The following WDR72 variants were observed in gnomAD, a reference collection of about 807,000 sequenced individuals.
The protein encoded by WDR72 is WD repeat domain 72.
A neutral mutation model predicts 124.2 loss-of-function variants in WDR72; 120 were observed. The observed-to-expected ratio is 0.97, with a 90% CI of 0.83 to 1.12. The LOEUF is 1.12. WDR72 is among the 50% of genes most tolerant of loss of function. The pLI, the probability that WDR72 is intolerant of heterozygous loss-of-function variation, is 0.00. For missense variants in WDR72, 1,387 were observed against 1,278.8 expected, an observed-to-expected ratio of 1.08 and a Z score of -1.29; for synonymous variants, 452 against 441.7, an observed-to-expected ratio of 1.02 and a Z score of -0.29.
At chr15:53,549,134 C>T (rs542433781) in intron 18 of WDR72, among the ~76,000 whole-genome samples, 2 of 152,190 alleles carry the variant, frequency 1.3e-5, no homozygotes, top group East Asian at 3.9e-4. Context: ...TTTGGGGGAC[C>T]CAGTACGTCA....
intron 14 of WDR72, among the ~76,000 whole-genome samples, chr15:53,642,488 C>G (rs1414281366): frequency 6.6e-6 from 1 of 151,916 alleles, no homozygotes; most frequent in East Asian, 1.9e-4. Context: ...AGGGGCACAT[C>G]AACAGCATCA....
intron 1 of WDR72, among the ~76,000 whole-genome samples, chr15:53,754,907 T>C (rs2018861156): frequency 6.6e-6 from 1 of 152,226 alleles, no homozygotes; most frequent in Non-Finnish European, 1.5e-5. Context: ...AATGATTTTC[T>C]TCATCCACAA....
At chr15:53,674,132 A>G (rs998986452) in intron 13 of WDR72, among the ~76,000 whole-genome samples, 3 of 152,148 alleles carry the variant, frequency 2.0e-5, no homozygotes, top group African/African-American at 7.2e-5. Flanking sequence ...TCTTTTCCAT[A>G]TTGGGTAGGC....
At chr15:53,580,716 TA>T (rs1038916625) in intron 18 of WDR72, among the ~76,000 whole-genome samples, 4 of 150,460 alleles carry the variant, frequency 2.7e-5, no homozygotes, top group East Asian at 2.0e-4. Context: ...AGATAAGCCT[TA>T]AAAAAAAAGT....
intron 1 of WDR72, among the ~76,000 whole-genome samples, chr15:53,738,620 G>A (rs1415682119): frequency 3.3e-5 from 5 of 152,000 alleles, no homozygotes; most frequent in Non-Finnish European, 7.4e-5. Flanking sequence ...GTTTGAGATG[G>A]AGTCTCGTTC....
intron 2 of WDR72, among the ~76,000 whole-genome samples, chr15:53,726,177 AATAT>A (rs34029897): frequency 5.7e-5 from 8 of 140,284 alleles, no homozygotes; most frequent in South Asian, 2.2e-4. Context: ...AATTGGTTGT[AATAT>A]ATATATATAT....
At chr15:53,758,774 G>GGGGC in intron 1 of WDR72, among the ~76,000 whole-genome samples, 1 of 126,400 alleles carries the variant, frequency 7.9e-6, no homozygotes, top group Non-Finnish European at 1.8e-5. Flanking sequence ...ACTGCGGGGG[G>GGGGC]GGGGGGGGCG....
At chr15:53,534,715 C>T (rs2140240959) in intron 18 of WDR72, among the ~76,000 whole-genome samples, 1 of 152,180 alleles carries the variant, frequency 6.6e-6, no homozygotes, top group East Asian at 1.9e-4. Context: ...AATGGTGGTA[C>T]TCTCACGTAA....
chr15:53,608,766 A>AAATAAATAAATAAATG (rs2013400855), intron 17 of WDR72, among the ~76,000 whole-genome samples: 2 of 150,196 alleles, frequency 1.3e-5, no homozygotes, highest in South Asian at 4.2e-4. Context: ...AAAAATAAAT[A>AAATAAATAAATAAATG]AATAAATAAA....
chr15:53,650,373 T>C (rs1404298172), intron 14 of WDR72, among the ~76,000 whole-genome samples: 2 of 152,184 alleles, frequency 1.3e-5, no homozygotes, highest in Admixed American at 6.5e-5. Flanking sequence ...GAGTCAGCAA[T>C]AACGTACTAT....
intron 18 of WDR72, among the ~76,000 whole-genome samples, chr15:53,588,861 G>A (rs2012353214): frequency 6.6e-6 from 1 of 151,904 alleles, no homozygotes; most frequent in African/African-American, 2.4e-5. Flanking sequence ...AATCATTAGT[G>A]GAGGCTGACC....
At position 53,723,544 on chromosome 15, in the gene WDR72, A is replaced by G. The variant is rs1184824443; in HGVS notation, c.154-636T>C. Among the ~76,000 whole-genome samples, 3 of 152,174 alleles carry G rather than the reference A, an allele frequency of 2.0e-5. No homozygotes were observed. In the East Asian group the frequency reaches 5.8e-4, roughly 29 times the overall value. ...GCAGCCAAAATATGGAAACAATCTAAGTGTCCATTAACGGATGCAGAGATA... is the reference window on the plus strand; with the variant it reads ...GCAGCCAAAATATGGAAACAATCTAGGTGTCCATTAACGGATGCAGAGATA... On this transcript the variant is annotated intron_variant, in intron 2 of 19. Transcript: ENST00000360509.
intron 1 of WDR72, among the ~76,000 whole-genome samples, chr15:53,749,694 T>C (rs543805484): frequency 2.0e-5 from 3 of 152,262 alleles, no homozygotes; most frequent in East Asian, 3.9e-4. Flanking sequence ...ATTAGCTAAA[T>C]TGTGAATGCA....
intron 14 of WDR72, among the ~76,000 whole-genome samples, chr15:53,621,413 G>C (rs2013983881): frequency 7.7e-6 from 1 of 129,914 alleles, no homozygotes; most frequent in Non-Finnish European, 1.5e-5. Context: ...CCATCAATGA[G>C]TGGATAAAGA....
rs752911105 is a variant in WDR72 at position 53,733,001 on chromosome 15, A to G, written c.149T>C (p.Leu50Pro). ...QLCLWNLSHELKISAKELLFG... is the reference protein window; with the variant it reads ...QLCLWNLSHEPKISAKELLFG... Reference sequence around the variant, plus strand: ...ATATCAGTAGCTTTCACTAACCTTTAGTTCATGTGAGAGATTCCAGAGACA... The same window carrying G: ...ATATCAGTAGCTTTCACTAACCTTTGGTTCATGTGAGAGATTCCAGAGACA... Residue 50 changes from leucine (L) to proline (P), a missense_variant, in exon 2 of 20, where the codon CTA becomes CCA. Leu to Pro is a moderately conservative substitution (Grantham distance 98). Coordinates refer to ENST00000360509, the MANE Select transcript of WDR72 (RefSeq NM_182758.4). 2 of 1,613,894 alleles carry G rather than the reference A, an allele frequency of 1.2e-6. No individual in the cohort carries two copies. The highest frequency in any genetic ancestry group is 1.7e-6 in the Non-Finnish European group (2 of 1,179,944).
intron 13 of WDR72, among the ~76,000 whole-genome samples, chr15:53,670,552 T>G (rs1316357960): frequency 6.6e-6 from 1 of 152,202 alleles, no homozygotes; most frequent in African/African-American, 2.4e-5. Context: ...GGACACATCA[T>G]CACAGCATGG....
At chr15:53,686,873 A>G (rs1175017043) in intron 13 of WDR72, among the ~76,000 whole-genome samples, 1 of 151,886 alleles carries the variant, frequency 6.6e-6, no homozygotes, top group East Asian at 1.9e-4. Context: ...CTCAGACCAC[A>G]GTGCAATCAA....
At chr15:53,637,464 G>A (rs1349427329) in intron 14 of WDR72, among the ~76,000 whole-genome samples, 1 of 152,158 alleles carries the variant, frequency 6.6e-6, no homozygotes, top group Admixed American at 6.5e-5. Flanking sequence ...AAAGTGCTTT[G>A]AGCATGTTAC....
intron 1 of WDR72, among the ~76,000 whole-genome samples, chr15:53,755,604 T>C (rs975002204): frequency 6.6e-6 from 1 of 152,158 alleles, no homozygotes; most frequent in Non-Finnish European, 1.5e-5. Context: ...TTAACAAAGA[T>C]TTATAAAGCA....
Sources: gnomAD v4.1 joint callset for allele counts (sites outside exome capture counted in the v4.1 genomes callset) on GRCh38, gnomAD v4.1.1 for gene constraint, MANE v1.5 for transcripts, NCBI Gene and HGNC (gene_info 2026-07-23, HGNC 2026-07-21) for gene names.